Variants in MRAP2 observed in about 807,000 individuals in gnomAD.
MRAP2 encodes melanocortin-2 receptor accessory protein 2.
MRAP2 carries 20 observed loss-of-function variants against 17.4 expected under a neutral mutation model. The observed-to-expected ratio is 1.15, with a 90% CI of 0.81 to 1.67. The LOEUF is 1.67. MRAP2 is among the 40% of genes most tolerant of loss of function. The pLI is 0.00. For synonymous variants in MRAP2, 96 were observed against 88.4 expected (o/e 1.09, Z -0.48); for missense variants, 238 against 240.0 (o/e 0.99, Z 0.05).
At chr6:84,079,460 T>A (rs1756237455) in intron 3 of MRAP2, among the ~76,000 whole-genome samples, 1 of 152,210 alleles carries the variant, frequency 6.6e-6, no homozygotes, top group Non-Finnish European at 1.5e-5. Context: ...TTGATTGGGG[T>A]GGTAGTTACA....
the MRAP2 span, among the ~76,000 whole-genome samples, chr6:84,098,305 G>A: frequency 6.6e-6 from 1 of 152,110 alleles, no homozygotes; most frequent in African/African-American, 2.4e-5. Context: ...TTTCATTGCT[G>A]AGTAGTGTTT....
the MRAP2 span, among the ~76,000 whole-genome samples, chr6:84,143,470 T>C: frequency 2.0e-5 from 3 of 151,926 alleles, no homozygotes; most frequent in Admixed American, 6.6e-5. Flanking sequence ...GAAAATAAGA[T>C]GTAGTTTTGG....
At chr6:84,084,588 C>T (rs2099499795) in intron 3 of MRAP2, among the ~76,000 whole-genome samples, 1 of 152,096 alleles carries the variant, frequency 6.6e-6, no homozygotes, top group Admixed American at 6.5e-5. Flanking sequence ...ACTGGAATGC[C>T]ATAAGCAGTG....
At position 84,033,818 on chromosome 6, in the gene MRAP2, C is replaced by A; in HGVS notation, c.-73C>A. The A allele has an allele frequency of 1.0e-6, 1 of 987,306 alleles. No homozygotes were observed. The highest frequency in any genetic ancestry group is 4.5e-5 in the South Asian group (1 of 22,104). The allele number at this position is 987,306 out of a possible 1,614,324, so 61.2% of individuals were successfully genotyped here. A position where few individuals can be genotyped will look rare whatever the true frequency, so the allele number is the denominator to read the frequency against. Reference sequence around the variant, plus strand: ...GGGAGGCGGCGGCGGCGGCGGCGCTCGCGCACCTCGGAGGAGCCAGGAGCC... The same window carrying A: ...GGGAGGCGGCGGCGGCGGCGGCGCTAGCGCACCTCGGAGGAGCCAGGAGCC... On this transcript the variant is annotated 5_prime_UTR_variant, in exon 1 of 4. Transcript: ENST00000257776.
At chr6:84,101,777 C>CA in the MRAP2 span, among the ~76,000 whole-genome samples, 1 of 151,992 alleles carries the variant, frequency 6.6e-6, no homozygotes, top group South Asian at 2.1e-4. Flanking sequence ...GATATCAAAA[C>CA]AAAAAATGAT....
At chr6:84,049,357 G>A (rs373987948) in intron 1 of MRAP2, among the ~76,000 whole-genome samples, 3 of 151,962 alleles carry the variant, frequency 2.0e-5, no homozygotes, top group Non-Finnish European at 4.4e-5. Flanking sequence ...CCCAGGAGGC[G>A]GAGGTTGCAG....
chr6:84,120,760 T>G, the MRAP2 span, among the ~76,000 whole-genome samples: 2 of 152,108 alleles, frequency 1.3e-5, no homozygotes, highest in East Asian at 3.9e-4. Flanking sequence ...AAAGAAAGGA[T>G]GGGTGCAGCT....
chr6:84,126,260 C>G, the MRAP2 span: 8 of 622,428 alleles, frequency 1.3e-5, no homozygotes, highest in South Asian at 5.8e-5. Context: ...TTAACAAGAT[C>G]AAAATACACT....
chr6:84,122,033 G>T, the MRAP2 span, among the ~76,000 whole-genome samples: 3 of 152,050 alleles, frequency 2.0e-5, no homozygotes, highest in African/African-American at 4.8e-5. Context: ...TTGACAGCTA[G>T]ATTAACCAAT....
downstream of MRAP2, among the ~76,000 whole-genome samples, chr6:84,094,908 G>C (rs985932161): frequency 3.3e-5 from 5 of 152,098 alleles, no homozygotes; most frequent in African/African-American, 1.2e-4. Flanking sequence ...TCCTCACTTA[G>C]AGTTGTTCAC....
At chr6:84,115,731 G>A in the MRAP2 span, among the ~76,000 whole-genome samples, 1 of 152,198 alleles carries the variant, frequency 6.6e-6, no homozygotes, top group Non-Finnish European at 1.5e-5. Flanking sequence ...GGAATCTCCT[G>A]GTCTGCAGGT....
At chr6:84,136,401 AGG>A in the MRAP2 span, among the ~76,000 whole-genome samples, 5 of 152,312 alleles carry the variant, frequency 3.3e-5, no homozygotes, top group South Asian at 1.0e-3. Flanking sequence ...TGAGACAGAG[AGG>A]GAATGAGAAC....
At chr6:84,111,673 T>A in the MRAP2 span, among the ~76,000 whole-genome samples, 1 of 152,222 alleles carries the variant, frequency 6.6e-6, no homozygotes, top group Non-Finnish European at 1.5e-5. Context: ...GGCATCCCTG[T>A]CTTGTGCCAG....
the MRAP2 span, among the ~76,000 whole-genome samples, chr6:84,096,233 G>A: frequency 1.3e-5 from 2 of 152,272 alleles, no homozygotes; most frequent in East Asian, 3.9e-4. Context: ...TACTTCAGGG[G>A]TAGAATTGGG....
In MRAP2 at chr6:84,055,295, T is replaced by G. The variant is rs764126713; in HGVS notation, c.-7-17T>G. 1 of 1,599,706 alleles carries G rather than the reference T, an allele frequency of 6.3e-7. No individual in the cohort carries two copies. The highest frequency in any genetic ancestry group is 1.4e-5 in the African/African-American group (1 of 73,756). Reference sequence around the variant, plus strand: ...TGAATTAACAGGTTCTGCGCTTGACTTTCTCCATTTGTGCAGGTCGGAGAT... The same window carrying G: ...TGAATTAACAGGTTCTGCGCTTGACGTTCTCCATTTGTGCAGGTCGGAGAT... On this transcript the variant is annotated splice_polypyrimidine_tract_variant and intron_variant, in intron 1 of 3. Coordinates refer to ENST00000257776, the MANE Select transcript of MRAP2 (RefSeq NM_138409.4).
the MRAP2 span, among the ~76,000 whole-genome samples, chr6:84,115,081 T>C: frequency 5.9e-5 from 9 of 152,154 alleles, no homozygotes; most frequent in Non-Finnish European, 8.8e-5. Context: ...GCAGTCTGTC[T>C]CTTAGCAGAG....
At chr6:84,145,530 AAC>A in the MRAP2 span, among the ~76,000 whole-genome samples, 7 of 152,140 alleles carry the variant, frequency 4.6e-5, no homozygotes, top group Admixed American at 2.6e-4. Context: ...AGAAAACTGT[AAC>A]ACACCCTTGT....
the MRAP2 span, among the ~76,000 whole-genome samples, chr6:84,100,242 A>C: frequency 6.6e-6 from 1 of 152,006 alleles, no homozygotes. Flanking sequence ...TTTTAGAATC[A>C]GTTTTTTATT....
intron 3 of MRAP2, among the ~76,000 whole-genome samples, chr6:84,079,905 A>T (rs1347720972): frequency 2.0e-5 from 3 of 152,170 alleles, no homozygotes; most frequent in African/African-American, 7.2e-5. Flanking sequence ...TGTAAGACTG[A>T]GATGGCCTTT....
Sources: gnomAD v4.1 joint callset for allele counts (sites outside exome capture counted in the v4.1 genomes callset) on GRCh38, gnomAD v4.1.1 for gene constraint, MANE v1.5 for transcripts, NCBI Gene and HGNC (gene_info 2026-07-23, HGNC 2026-07-21) for gene names.